The following ANKRD12 variants were observed in gnomAD, a reference collection of about 807,000 sequenced individuals.
ANKRD12 encodes the protein ankyrin repeat domain-containing protein 12.
A neutral mutation model predicts 183.4 loss-of-function variants in ANKRD12; 85 were observed. The observed-to-expected ratio is 0.46, with a 90% CI of 0.39 to 0.56. The LOEUF is 0.56. Ranked by LOEUF, ANKRD12 falls within the 20% of genes least tolerant of loss-of-function variation. ANKRD12 has a pLI of 0.00. For synonymous variants in ANKRD12, 914 were observed against 800.2 expected (o/e 1.14, Z -2.40); for missense variants, 2,405 against 2,357.1 (o/e 1.02, Z -0.42).
At position 9,274,923 on chromosome 18, in the gene ANKRD12, C is replaced by T. The variant is rs151163160; in HGVS notation, c.5764-601C>T. The stretch of plus-strand genomic sequence containing the variant: ...TGTTGGCCAGGTATGTGGGTTACAC[C>T]TGTAATCCCAGCGCTTTGGGAGGCC... On this transcript the variant is annotated intron_variant, in intron 10 of 12. Coordinates refer to ENST00000262126, the MANE Select transcript of ANKRD12 (RefSeq NM_015208.5). Among the ~76,000 whole-genome samples, 871 of 152,206 alleles carry T rather than the reference C, an allele frequency of 5.7e-3. 14 individuals carry two copies. Among genetic ancestry groups the T allele is most frequent in the Non-Finnish European group, 9.0e-3 (612 of 68,032 alleles).
rs141051188 is a variant in ANKRD12, at chr18:9,267,916, G to A, written c.5763+4028G>A. ...GAAAAGAGAGAAGAATCAAGTAGACGCAATAAAAAATGACAAAGGGGATAT... is the reference window on the plus strand; with the variant it reads ...GAAAAGAGAGAAGAATCAAGTAGACACAATAAAAAATGACAAAGGGGATAT... On this transcript the variant is annotated intron_variant, in intron 10 of 12. Transcript: ENST00000262126. Among the ~76,000 whole-genome samples, 563 of 152,102 alleles carry A rather than the reference G, an allele frequency of 3.7e-3. 5 individuals are homozygous for A. Among genetic ancestry groups the A allele is most frequent in the African/African-American group, 0.013 (539 of 41,452 alleles).
At chr18:9,265,004 A>G (rs559976517) in intron 10 of ANKRD12, among the ~76,000 whole-genome samples, 1 of 152,372 alleles carries the variant, frequency 6.6e-6, no homozygotes, top group African/African-American at 2.4e-5. Flanking sequence ...AGAGAGTGCT[A>G]CGCCCACGGA....
rs1361060884 is a variant in ANKRD12, at chr18:9,283,212, T to C, written c.*2086T>C. ...AAGTTTATAGGGCATTTTGTTCTGA[T>C]GGTTCAACCAGAGGTCTGGGAAATA... On this transcript the variant is annotated 3_prime_UTR_variant, in exon 13 of 13. Coordinates refer to ENST00000262126, the MANE Select transcript of ANKRD12 (RefSeq NM_015208.5). The C allele has an allele frequency of 6.6e-6, 1 of 152,202 alleles. No homozygotes were observed. Among genetic ancestry groups the C allele is most frequent in the Non-Finnish European group, 1.5e-5 (1 of 68,032 alleles). 9.4% of individuals were successfully genotyped at this position (152,202 alleles called of 1,614,324 possible). A position where few individuals can be genotyped will look rare whatever the true frequency, so the allele number is the denominator to read the frequency against.
chr18:9,172,933 G>A (rs951655434), intron 1 of ANKRD12, among the ~76,000 whole-genome samples: 9 of 150,294 alleles, frequency 6.0e-5, no homozygotes, highest in Non-Finnish European at 1.0e-4. Flanking sequence ...ACAGAGTCTC[G>A]CCCTGTTGCC....
At chr18:9,186,724 T>C (rs1037739878) in intron 2 of ANKRD12, among the ~76,000 whole-genome samples, 4 of 150,342 alleles carry the variant, frequency 2.7e-5, no homozygotes, top group African/African-American at 9.8e-5. Context: ...CATGTGTATA[T>C]TTGCAATGTG....
chr18:9,156,818 T>G (rs905710423), intron 1 of ANKRD12, among the ~76,000 whole-genome samples: 1 of 152,172 alleles, frequency 6.6e-6, no homozygotes, highest in Non-Finnish European at 1.5e-5. Context: ...AAAAAAATTG[T>G]GACACATGCT....
Position 9,254,344 on chromosome 18 carries a change from T to C in ANKRD12, c.1077T>C (p.Asp359=). 3.7e-6 allele frequency: 6 copies of C among 1,613,066 alleles called. No homozygotes were observed. The highest frequency in any genetic ancestry group is 5.1e-6 in the Non-Finnish European group (6 of 1,179,494). ...AAACACCTCTTCCATCTGCCCTTGA[T>C]GAGTATGAGTTCAAAGATGATGATG... ...PSKTPLPSAL[D]EYEFKDDDDE... is the part of the protein sequence containing the mutation. Residue 359 remains aspartate, a synonymous_variant, in exon 9 of 13, where the codon GAT becomes GAC. Coordinates refer to ENST00000262126, the MANE Select transcript of ANKRD12 (RefSeq NM_015208.5).
chr18:9,186,136 G>GTTTTTTTTTTTTTTTTTTTTTTT (rs1280812557), intron 2 of ANKRD12, among the ~76,000 whole-genome samples: 4 of 141,936 alleles, frequency 2.8e-5, no homozygotes, highest in Middle Eastern at 3.9e-3. Context: ...CTAAAAGTGT[G>GTTTTTTTTTTTTTTTTTTTTTTT]ATTTTTTTTT....
intron 10 of ANKRD12, among the ~76,000 whole-genome samples, chr18:9,267,823 G>T (rs1221479092): frequency 1.3e-5 from 2 of 152,068 alleles, no homozygotes; most frequent in Non-Finnish European, 2.9e-5. Context: ...AAAAATCAAT[G>T]AATCCAGGAG....
chr18:9,156,137 CAA>C (rs34154495), intron 1 of ANKRD12, among the ~76,000 whole-genome samples: 5 of 104,088 alleles, frequency 4.8e-5, no homozygotes, highest in Non-Finnish European at 7.4e-5. Flanking sequence ...GACTCTGTCT[CAA>C]AAAAAAAAAA....
chr18:9,272,956 A>G (rs1315660864), intron 10 of ANKRD12, among the ~76,000 whole-genome samples: 1 of 150,810 alleles, frequency 6.6e-6, no homozygotes, highest in East Asian at 1.9e-4. Context: ...GAGAATGGGA[A>G]ACGTGGGGGT....
chr18:9,276,384 A>T (rs2039835344), intron 11 of ANKRD12, among the ~76,000 whole-genome samples: 1 of 152,152 alleles, frequency 6.6e-6, no homozygotes, highest in Non-Finnish European at 1.5e-5. Flanking sequence ...TCTCATCTAT[A>T]AAAAAATCAA....
intron 8 of ANKRD12, among the ~76,000 whole-genome samples, chr18:9,222,360 C>G (rs1478477466): frequency 1.3e-5 from 2 of 152,120 alleles, no homozygotes; most frequent in Non-Finnish European, 2.9e-5. Context: ...CCAAACACTT[C>G]ATGTCTTTTT....
At chr18:9,207,997 A>T (rs1007041305) in intron 4 of ANKRD12, among the ~76,000 whole-genome samples, 44 of 152,312 alleles carry the variant, frequency 2.9e-4, no homozygotes, top group African/African-American at 1.1e-3. Context: ...TAACTTGATG[A>T]TGGGTCAGAT....
intron 1 of ANKRD12, among the ~76,000 whole-genome samples, chr18:9,170,856 A>G (rs2032638838): frequency 6.6e-6 from 1 of 151,750 alleles, no homozygotes; most frequent in Non-Finnish European, 1.5e-5. Context: ...TTGGTCTTTG[A>G]TGATGGTGAC....
intron 9 of ANKRD12, among the ~76,000 whole-genome samples, chr18:9,263,147 C>T (rs978472466): frequency 6.6e-6 from 1 of 152,086 alleles, no homozygotes; most frequent in African/African-American, 2.4e-5. Flanking sequence ...AATCAGCTTC[C>T]TTAACCTCCA....
chr18:9,169,053 G>A (rs1160961753), intron 1 of ANKRD12, among the ~76,000 whole-genome samples: 3 of 152,078 alleles, frequency 2.0e-5, no homozygotes, highest in East Asian at 1.9e-4. Context: ...TTAATCCTGA[G>A]TTCTAGTTTG....
chr18:9,162,634 C>A (rs1208517260), intron 1 of ANKRD12, among the ~76,000 whole-genome samples: 1 of 152,166 alleles, frequency 6.6e-6, no homozygotes, highest in Admixed American at 6.5e-5. Context: ...ACGCTGTCTT[C>A]CACAATAGTT....
intron 1 of ANKRD12, among the ~76,000 whole-genome samples, chr18:9,160,958 A>G (rs1426601835): frequency 1.3e-5 from 2 of 152,138 alleles, no homozygotes; most frequent in Non-Finnish European, 2.9e-5. Context: ...GTATTCATCC[A>G]TCACTCAGTT....
Sources: gnomAD v4.1 joint callset for allele counts (sites outside exome capture counted in the v4.1 genomes callset) on GRCh38, gnomAD v4.1.1 for gene constraint, MANE v1.5 for transcripts, NCBI Gene and HGNC (gene_info 2026-07-23, HGNC 2026-07-21) for gene names.